The following ADAM9 variants were observed in gnomAD, a reference collection of about 807,000 sequenced individuals.
The protein encoded by ADAM9 is disintegrin and metalloproteinase domain-containing protein 9.
In ADAM9, 54 loss-of-function variants were observed where a neutral mutation model predicts 108.1. The observed-to-expected ratio is 0.50, with a 90% CI of 0.40 to 0.63. ADAM9 has a LOEUF of 0.63. Among genes scored for constraint, ADAM9 ranks in the 20% least tolerant of loss-of-function variants. The pLI is 0.00. For synonymous variants in ADAM9, 316 were observed against 336.0 expected, an observed-to-expected ratio of 0.94 and a Z score of 0.65; for missense variants, 830 against 997.7, an observed-to-expected ratio of 0.83 and a Z score of 2.26.
chr8:39,016,408 AT>A (rs1836528291), intron 5 of ADAM9, among the ~76,000 whole-genome samples: 1 of 151,990 alleles, frequency 6.6e-6, no homozygotes, highest in Admixed American at 6.6e-5. Flanking sequence ...TAAAGAGGAA[AT>A]TTTTTTTGAG....
At chr8:39,071,864 A>C (rs547837983) in intron 15 of ADAM9, among the ~76,000 whole-genome samples, 53 of 152,078 alleles carry the variant, frequency 3.5e-4, no homozygotes, top group Non-Finnish European at 5.3e-4. Flanking sequence ...CTTCAGAGAG[A>C]CTCTGGTGTT....
chr8:39,061,808 G>A lies in ADAM9; in HGVS notation c.1591+6036G>A, dbSNP rs562901726. ...CATCATGGACTAATCACCTCTTAAA[G>A]GTCCCACCTCTTAATGCTGTCACAA... On this transcript the variant is annotated intron_variant, in intron 14 of 21. Coordinates refer to ENST00000487273, the MANE Select transcript of ADAM9 (RefSeq NM_003816.3). Among the ~76,000 whole-genome samples the A allele has an allele frequency of 1.3e-4, 20 of 152,226 alleles. No individual in the cohort carries two copies. The South Asian group carries it at 4.1e-3, about 32-fold the overall frequency.
chr8:39,001,310 CAT>C (rs1488330857), intron 1 of ADAM9, among the ~76,000 whole-genome samples: 1 of 152,230 alleles, frequency 6.6e-6, no homozygotes, highest in East Asian at 1.9e-4. Flanking sequence ...CACTTTAAGT[CAT>C]ATGTGATAAT....
chr8:39,050,330 C>A (rs1837916011), intron 12 of ADAM9, among the ~76,000 whole-genome samples: 1 of 152,146 alleles, frequency 6.6e-6, no homozygotes, highest in Admixed American at 6.6e-5. Flanking sequence ...TCAACCACTA[C>A]CTCTTTGAAA....
At chr8:39,040,595 G>T (rs1348875902) in intron 11 of ADAM9, among the ~76,000 whole-genome samples, 1 of 152,186 alleles carries the variant, frequency 6.6e-6, no homozygotes, top group South Asian at 2.1e-4. Flanking sequence ...AAGATACATG[G>T]TTATAAGATA....
intron 16 of ADAM9, among the ~76,000 whole-genome samples, chr8:39,078,201 T>C (rs1253391699): frequency 6.6e-6 from 1 of 152,160 alleles, no homozygotes; most frequent in Non-Finnish European, 1.5e-5. Flanking sequence ...GATCCATATA[T>C]TTTTGGTCCT....
At chr8:39,070,626 C>T (rs967657522) in intron 14 of ADAM9, among the ~76,000 whole-genome samples, 10 of 151,930 alleles carry the variant, frequency 6.6e-5, no homozygotes, top group Admixed American at 1.3e-4. Flanking sequence ...AGCATGGTGG[C>T]GTGTACCTGT....
intron 18 of ADAM9, among the ~76,000 whole-genome samples, chr8:39,087,914 C>G (rs1839226114): frequency 6.6e-6 from 1 of 152,056 alleles, no homozygotes; most frequent in Admixed American, 6.6e-5. Context: ...GGAAGACTTA[C>G]CAATAACATA....
At chr8:39,054,774 T>G (rs1296071477) in intron 13 of ADAM9, among the ~76,000 whole-genome samples, 1 of 152,118 alleles carries the variant, frequency 6.6e-6, no homozygotes, top group Non-Finnish European at 1.5e-5. Flanking sequence ...GTTTTCTAAG[T>G]AGAAACATTT....
In ADAM9 at chr8:39,007,890, T is replaced by C; in HGVS notation, c.102T>C (p.Phe34=). 6.2e-7 allele frequency: 1 copy of C among 1,609,074 alleles called. No individual in the cohort carries two copies. Among genetic ancestry groups the C allele is most frequent in the Non-Finnish European group, 8.5e-7 (1 of 1,176,556 alleles). The change falls in exon 2 of 22, where the codon TTT becomes TTC. Residue 34 remains phenylalanine (F), a synonymous_variant. Transcript: ENST00000487273. ...TTGTTTTTGCCTTTTCTGTAGGCTT[T>C]CAACAGACCTCACATCTTTCTTCTT... is the stretch of plus-strand genomic sequence containing the variant. The part of the protein sequence containing the change: ...GPVLGAARPG[F]QQTSHLSSYE...
intron 14 of ADAM9, among the ~76,000 whole-genome samples, chr8:39,061,098 G>A (rs924143045): frequency 2.6e-5 from 4 of 152,224 alleles, no homozygotes; most frequent in African/African-American, 9.6e-5. Flanking sequence ...GAGATGTGAT[G>A]AGAGTCCCTG....
chr8:38,999,321 C>T (rs1227543452), intron 1 of ADAM9, among the ~76,000 whole-genome samples: 1 of 110,648 alleles, frequency 9.0e-6, no homozygotes, highest in Non-Finnish European at 1.9e-5. Context: ...AGCTAACTTT[C>T]AGTAAACTTT....
rs60472634 is a variant in ADAM9, at chr8:39,064,595, T to A, written c.1592-6703T>A. Among the ~76,000 whole-genome samples the A allele has an allele frequency of 8.0e-3, 1,221 of 152,318 alleles. 24 individuals carry two copies. The highest frequency in any genetic ancestry group is 0.028 in the African/African-American group (1,159 of 41,574). On this transcript the variant is annotated intron_variant, in intron 14 of 21. Transcript: ENST00000487273. The stretch of plus-strand genomic sequence containing the variant: ...CCAGGATTGCCAATAGTGTAATCAG[T>A]ATTTATCCTGAGATCTTTCACCATA...
rs114910397 is a variant in ADAM9 at position 38,999,146 on chromosome 8, G to A, written c.97+1986G>A. 1.2e-3 allele frequency among the ~76,000 whole-genome samples: 188 copies of A among 152,270 alleles called. 1 individual carries two copies. The highest frequency in any genetic ancestry group is 4.4e-3 in the African/African-American group (184 of 41,552). On this transcript the variant is annotated intron_variant, in intron 1 of 21. Transcript: ENST00000487273. Reference sequence around the variant, plus strand: ...AAAATCAGCTGACCACATTTTTGCAGTATAAGGTGTTTAAAACGTGCACTG... The same window carrying A: ...AAAATCAGCTGACCACATTTTTGCAATATAAGGTGTTTAAAACGTGCACTG...
At chr8:39,065,659 C>CAAAAAAAAA (rs33990237) in intron 14 of ADAM9, among the ~76,000 whole-genome samples, 1 of 72,876 alleles carries the variant, frequency 1.4e-5, no homozygotes, top group African/African-American at 5.7e-5. Context: ...GGCTACATCT[C>CAAAAAAAAA]AAAAAAAAAA....
chr8:39,052,070 C>A (rs2129438225), intron 12 of ADAM9, among the ~76,000 whole-genome samples: 1 of 152,204 alleles, frequency 6.6e-6, no homozygotes, highest in South Asian at 2.1e-4. Context: ...ATATCAGAAG[C>A]TAATGAATTT....
chr8:39,031,381 C>T lies in ADAM9; in HGVS notation c.1130+4571C>T, dbSNP rs143476611. On this transcript the variant is annotated intron_variant, in intron 11 of 21. Transcript: ENST00000487273. ...ATCAGTTAGCTGTATTTATGTAGGACTCTTTTTGGGCTCTCTATCTTGTTC... is the reference window on the plus strand; with the variant it reads ...ATCAGTTAGCTGTATTTATGTAGGATTCTTTTTGGGCTCTCTATCTTGTTC... 1.4e-3 allele frequency among the ~76,000 whole-genome samples: 206 copies of T among 152,214 alleles called. 5 individuals are homozygous for T. The East Asian group carries it at 0.034, about 25-fold the overall frequency.
Position 38,997,068 on chromosome 8 carries a change from G to T in ADAM9, c.5G>T (p.Gly2Val). 6.2e-7 allele frequency: 1 copy of T among 1,607,542 alleles called. No homozygotes were observed. The highest frequency in any genetic ancestry group is 8.5e-7 in the Non-Finnish European group (1 of 1,179,550). Residue 2 changes from glycine (G) to valine (V), a missense_variant, in exon 1 of 22, where the codon GGG becomes GTG. Transcript: ENST00000487273. M[G>V]SGARFPSGTL... ...GAACCTGCGGAATCGGCCGAGATGG[G>T]GTCTGGCGCGCGCTTTCCCTCGGGG...
intron 16 of ADAM9, among the ~76,000 whole-genome samples, chr8:39,081,832 A>G (rs141872995): frequency 8.4e-4 from 128 of 152,332 alleles, no homozygotes; most frequent in African/African-American, 3.0e-3. Flanking sequence ...GTTACCTAAT[A>G]AAATTTTAAA....
Sources: allele counts gnomAD v4.1 joint callset (sites outside exome capture counted in the v4.1 genomes callset), GRCh38; gene constraint gnomAD v4.1.1; transcripts MANE v1.5; gene names NCBI Gene and HGNC (gene_info 2026-07-23, HGNC 2026-07-21).